PARN: variants seen among roughly 807,000 people sequenced by gnomAD.
PARN encodes the protein poly(A)-specific ribonuclease PARN.
In PARN, 71 loss-of-function variants were observed where a neutral mutation model predicts 102.8. The observed-to-expected ratio is 0.69, with a 90% confidence interval of 0.57 to 0.84. The LOEUF (loss-of-function observed/expected upper bound fraction) is 0.84. Ranked by LOEUF, PARN falls within the 40% of genes least tolerant of loss-of-function variation. The probability of loss-of-function intolerance (pLI) is 0.00; values close to 1 mark genes in which losing one functional copy is unlikely to be tolerated. For missense variants in PARN, 782 were observed against 760.9 expected (o/e 1.03, Z -0.33); for synonymous variants, 261 against 252.9 (o/e 1.03, Z -0.30).
intron 21 of PARN, among the ~76,000 whole-genome samples, chr16:14,543,932 C>A (rs186939357): frequency 6.6e-6 from 1 of 152,174 alleles, no homozygotes; most frequent in Admixed American, 6.5e-5. Context: ...CGGTGGCTCA[C>A]GCCTGTAATC....
chr16:14,586,705 A>G (rs1290049088), intron 13 of PARN, among the ~76,000 whole-genome samples: 1 of 152,206 alleles, frequency 6.6e-6, no homozygotes, highest in Non-Finnish European at 1.5e-5. Context: ...AACTTCCAGT[A>G]ATAGCTAACA....
intron 6 of PARN, among the ~76,000 whole-genome samples, chr16:14,617,179 T>C (rs987778380): frequency 1.1e-4 from 16 of 150,448 alleles, no homozygotes; most frequent in Non-Finnish European, 2.1e-4. Flanking sequence ...GGTCAGGAGA[T>C]CGAGACCATC....
chr16:14,620,371 C>T (rs1463967644), intron 5 of PARN, among the ~76,000 whole-genome samples: 1 of 152,078 alleles, frequency 6.6e-6, no homozygotes, highest in Admixed American at 6.5e-5. Context: ...AGCGAGACTC[C>T]ATCTCAAAAA....
chr16:14,597,133 C>A (rs543203438), intron 12 of PARN, among the ~76,000 whole-genome samples: 2 of 151,708 alleles, frequency 1.3e-5, no homozygotes, highest in Admixed American at 6.6e-5. Context: ...GTAGAAAGGA[C>A]GAAGGAAATA....
chr16:14,568,009 C>A (rs1021089252), intron 18 of PARN, among the ~76,000 whole-genome samples: 1 of 152,098 alleles, frequency 6.6e-6, no homozygotes, highest in African/African-American at 2.4e-5. Flanking sequence ...GGCCACTTTG[C>A]TTCTATCAAC....
intron 16 of PARN, among the ~76,000 whole-genome samples, chr16:14,583,930 A>T (rs1374457668): frequency 1.3e-5 from 2 of 152,134 alleles, no homozygotes; most frequent in Non-Finnish European, 2.9e-5. Flanking sequence ...GACTTGCCTT[A>T]ATCTCACCTG....
chr16:14,531,211 G>C (rs1443733555), intron 21 of PARN, among the ~76,000 whole-genome samples: 2 of 152,124 alleles, frequency 1.3e-5, no homozygotes, highest in Non-Finnish European at 2.9e-5. Context: ...CAGGCGTTGT[G>C]GTTAGTGCCT....
At chr16:14,532,811 AC>A (rs1193238168) in intron 21 of PARN, among the ~76,000 whole-genome samples, 3 of 135,236 alleles carry the variant, frequency 2.2e-5, no homozygotes, top group Non-Finnish European at 4.8e-5. Flanking sequence ...CGGGGGGCTG[AC>A]CCCCCCACCT....
At chr16:14,488,627 C>T (rs1013453668) in intron 21 of PARN, among the ~76,000 whole-genome samples, 1 of 152,184 alleles carries the variant, frequency 6.6e-6, no homozygotes, top group Non-Finnish European at 1.5e-5. Flanking sequence ...TGCAGAGATG[C>T]TCGGCCACAG....
At chr16:14,594,715 G>GA (rs954030246) in intron 12 of PARN, among the ~76,000 whole-genome samples, 15 of 151,014 alleles carry the variant, frequency 9.9e-5, no homozygotes, top group Non-Finnish European at 2.2e-4. Flanking sequence ...CTCTGTCTTG[G>GA]AAAAAAAAAT....
At chr16:14,580,285 GT>G (rs978739318) in intron 18 of PARN, among the ~76,000 whole-genome samples, 1 of 149,412 alleles carries the variant, frequency 6.7e-6, no homozygotes, top group African/African-American at 2.5e-5. Context: ...ATTTTCTTTT[GT>G]TTTTTTTGTT....
At chr16:14,473,219 T>C (rs1962847787) in intron 22 of PARN, among the ~76,000 whole-genome samples, 1 of 152,224 alleles carries the variant, frequency 6.6e-6, no homozygotes, top group Non-Finnish European at 1.5e-5. Context: ...GAGTGAGGAA[T>C]GAAGATTTTC....
intron 23 of PARN, 27 bp downstream of exon 23, chr16:14,446,861 A>G: frequency 1.3e-6 from 2 of 1,570,820 alleles, no homozygotes; most frequent in Non-Finnish European, 1.7e-6. Flanking sequence ...CCACGGCCCC[A>G]GAACTTCGGC....
chr16:14,595,385 G>A (rs1315511789), intron 12 of PARN, among the ~76,000 whole-genome samples: 2 of 152,122 alleles, frequency 1.3e-5, no homozygotes, highest in African/African-American at 2.4e-5. Context: ...TTTATTTAGA[G>A]ACAGGGTCTC....
intron 7 of PARN, among the ~76,000 whole-genome samples, chr16:14,609,795 A>G (rs956808377): frequency 5.9e-5 from 9 of 152,248 alleles, no homozygotes; most frequent in African/African-American, 2.2e-4. Flanking sequence ...GCAAGCAAAG[A>G]GAACATGGAC....
chr16:14,616,377 G>C (rs1971906526), intron 6 of PARN, among the ~76,000 whole-genome samples: 1 of 152,208 alleles, frequency 6.6e-6, no homozygotes, highest in Non-Finnish European at 1.5e-5. Context: ...TAGCAAGTTA[G>C]CCATTATCAA....
intron 11 of PARN, among the ~76,000 whole-genome samples, chr16:14,601,661 G>A (rs145667660): frequency 1.4e-4 from 22 of 152,088 alleles, no homozygotes; most frequent in African/African-American, 3.1e-4. Flanking sequence ...GGTAGCTCAC[G>A]CTGGTAATCC....
chr16:14,466,548 C>T (rs951002105), intron 22 of PARN, among the ~76,000 whole-genome samples: 13 of 152,306 alleles, frequency 8.5e-5, no homozygotes, highest in Admixed American at 3.3e-4. Flanking sequence ...AGATCACTTC[C>T]AAGTTCCTTC....
chr16:14,539,647 C>A (rs974009812), intron 21 of PARN, among the ~76,000 whole-genome samples: 12 of 152,176 alleles, frequency 7.9e-5, no homozygotes, highest in Admixed American at 2.6e-4. Context: ...GTTGCTTTTA[C>A]AAGTTTTCTA....
Sources: gnomAD v4.1 joint callset for allele counts (sites outside exome capture counted in the v4.1 genomes callset) on GRCh38, gnomAD v4.1.1 for gene constraint, MANE v1.5 for transcripts, NCBI Gene and HGNC (gene_info 2026-07-23, HGNC 2026-07-21) for gene names.